Variants in PPFIA2 observed in about 807,000 individuals in gnomAD.
The protein encoded by PPFIA2 is PPFI scaffold protein A2, also known as liprin-alpha-2.
Under a neutral mutation model 175.5 loss-of-function variants are expected in PPFIA2, and 46 were observed. The observed-to-expected ratio is 0.26, with a 90% confidence interval of 0.21 to 0.34. PPFIA2 has a LOEUF of 0.34. Ranked by LOEUF, PPFIA2 falls within the 10% of genes least tolerant of loss-of-function variation. The probability of loss-of-function intolerance (pLI) is 1.00; values close to 1 mark genes in which losing one functional copy is unlikely to be tolerated. For synonymous variants in PPFIA2, 568 were observed against 511.4 expected (o/e 1.11, Z -1.49); for missense variants, 1,179 against 1,506.1 (o/e 0.78, Z 3.60).
intron 19 of PPFIA2, among the ~76,000 whole-genome samples, chr12:81,341,413 TA>T (rs201706145): frequency 3.0e-4 from 45 of 148,358 alleles, no homozygotes; most frequent in South Asian, 1.7e-3. Flanking sequence ...ACATTAAAAT[TA>T]AAAAAAAATC....
At chr12:81,262,966 T>C (rs1449349872) in intron 31 of PPFIA2, among the ~76,000 whole-genome samples, 2 of 152,240 alleles carry the variant, frequency 1.3e-5, no homozygotes, top group Non-Finnish European at 2.9e-5. Context: ...ATCCTGCCGA[T>C]GTTTATTGTT....
At chr12:81,569,007 T>G (rs945869519) in intron 4 of PPFIA2, among the ~76,000 whole-genome samples, 2 of 152,168 alleles carry the variant, frequency 1.3e-5, no homozygotes, top group African/African-American at 4.8e-5. Context: ...ATATATTAGA[T>G]ATTGTTCTAC....
chr12:81,510,316 T>G (rs1173260931), intron 4 of PPFIA2, among the ~76,000 whole-genome samples: 1 of 152,086 alleles, frequency 6.6e-6, no homozygotes, highest in Non-Finnish European at 1.5e-5. Flanking sequence ...CTCCTGTAAT[T>G]TGAACTTTAC....
At chr12:81,283,235 A>C (rs1318651686) in intron 25 of PPFIA2, among the ~76,000 whole-genome samples, 196 bp from the exon 26 acceptor site, 1 of 152,050 alleles carries the variant, frequency 6.6e-6, no homozygotes, top group Non-Finnish European at 1.5e-5. Flanking sequence ...CAACTACATC[A>C]TTTTCAATTA....
rs1276866590 is a variant in PPFIA2 at position 81,747,024 on chromosome 12, G to A, written c.249+6949C>T. Among the ~76,000 whole-genome samples the A allele has an allele frequency of 4.9e-5, 7 of 143,698 alleles. 2 individuals are homozygous for A. In the Admixed American group the frequency reaches 5.2e-4, roughly 11 times the overall value. The allele number at this position is 143,698 out of a possible 152,430, so 94.3% of individuals were successfully genotyped here. On this transcript the variant is annotated intron_variant, in intron 3 of 32. Coordinates refer to ENST00000549396, the MANE Select transcript of PPFIA2 (RefSeq NM_003625.5). Reference sequence around the variant, plus strand: ...CAAAATATTGGTGACATATATGAGTGTACTTTATTTTAGGAAAACAATGAT... The same window carrying A: ...CAAAATATTGGTGACATATATGAGTATACTTTATTTTAGGAAAACAATGAT...
chr12:81,619,826 AT>A (rs1360351195), intron 4 of PPFIA2, among the ~76,000 whole-genome samples: 2 of 152,276 alleles, frequency 1.3e-5, no homozygotes, highest in East Asian at 3.9e-4. Context: ...TATTCACAAT[AT>A]TTCCTTGTGG....
rs1228377271 is a variant in PPFIA2, at chr12:81,268,041, T to C, written c.3357A>G (p.Ala1119=). 1.3e-6 allele frequency: 2 copies of C among 1,597,862 alleles called. No individual in the cohort carries two copies. Among genetic ancestry groups the C allele is most frequent in the African/African-American group, 2.7e-5 (2 of 74,700 alleles). The change falls in exon 29 of 33, where the codon GCA becomes GCG. Residue 1119 remains alanine, a synonymous_variant. Transcript: ENST00000549396. ...SNDRVIRWIQ[A]IGLREYANNI... is the part of the protein sequence containing the mutation. ...TATTTGCATATTCTCGAAGTCCAAT[T>C]GCTTGTATCCAGCGAATAACTCGGT...
chr12:81,334,376 C>A (rs886720753), intron 21 of PPFIA2, among the ~76,000 whole-genome samples: 1 of 151,978 alleles, frequency 6.6e-6, no homozygotes, highest in Admixed American at 6.6e-5. Flanking sequence ...TAGTCATTTT[C>A]CTAAAGTCCA....
intron 22 of PPFIA2, among the ~76,000 whole-genome samples, chr12:81,320,859 T>C (rs1329944254): frequency 6.6e-6 from 1 of 152,076 alleles, no homozygotes; most frequent in Non-Finnish European, 1.5e-5. Context: ...CAGAAGTTTC[T>C]ATAAGACTAA....
At chr12:81,377,033 T>A (rs1474063541) in intron 9 of PPFIA2, among the ~76,000 whole-genome samples, 2 of 151,950 alleles carry the variant, frequency 1.3e-5, no homozygotes, top group African/African-American at 4.8e-5. Flanking sequence ...AAATAGGTAA[T>A]GTCCTAATCT....
At chr12:81,588,137 A>G (rs763510467) in intron 4 of PPFIA2, among the ~76,000 whole-genome samples, 6 of 151,900 alleles carry the variant, frequency 3.9e-5, no homozygotes, top group Non-Finnish European at 7.4e-5. Context: ...AGAACAGGAG[A>G]ATTTATCTTG....
At chr12:81,674,673 A>AT (rs990240676) in intron 4 of PPFIA2, among the ~76,000 whole-genome samples, 114 of 151,826 alleles carry the variant, frequency 7.5e-4, no homozygotes, top group Non-Finnish European at 1.3e-3. Flanking sequence ...TCTCAAAAAA[A>AT]TTTTTTTTTA....
At chr12:81,619,256 A>G (rs2061759780) in intron 4 of PPFIA2, among the ~76,000 whole-genome samples, 1 of 152,236 alleles carries the variant, frequency 6.6e-6, no homozygotes, top group South Asian at 2.1e-4. Flanking sequence ...CCTGAGTCCA[A>G]TGACACTCAA....
chr12:81,266,434 T>G (rs565685279), intron 30 of PPFIA2, among the ~76,000 whole-genome samples: 2 of 152,314 alleles, frequency 1.3e-5, no homozygotes, highest in Admixed American at 1.3e-4. Context: ...ATATTCAATA[T>G]AGCTTTCAAA....
chr12:81,261,940 A>T lies in PPFIA2; in HGVS notation c.*33+9T>A. On this transcript the variant is annotated intron_variant, in intron 32 of 32. Coordinates refer to ENST00000549396, the MANE Select transcript of PPFIA2 (RefSeq NM_003625.5). ...TTTTTTTTTTGTCAGCCAAAGGGAA[A>T]CTACTCACAGCAGGTCAGTGCTGCC... is the stretch of plus-strand genomic sequence containing the variant. 1 of 1,544,564 alleles carries T rather than the reference A, an allele frequency of 6.5e-7. No individual in the cohort carries two copies. The highest frequency in any genetic ancestry group is 8.8e-7 in the Non-Finnish European group (1 of 1,138,650).
chr12:81,336,391 A>G (rs2057143103), intron 21 of PPFIA2, among the ~76,000 whole-genome samples: 1 of 152,152 alleles, frequency 6.6e-6, no homozygotes, highest in South Asian at 2.1e-4. Context: ...GCACATATTG[A>G]GTTTGATTCT....
At chr12:81,525,361 A>G (rs1450505128) in intron 4 of PPFIA2, among the ~76,000 whole-genome samples, 1 of 152,178 alleles carries the variant, frequency 6.6e-6, no homozygotes, top group Non-Finnish European at 1.5e-5. Flanking sequence ...GGGTTAATCA[A>G]AAGGAATATT....
intron 4 of PPFIA2, among the ~76,000 whole-genome samples, chr12:81,628,181 T>A (rs1314976516): frequency 2.0e-5 from 3 of 152,130 alleles, no homozygotes; most frequent in Non-Finnish European, 4.4e-5. Context: ...AAAAAATTCT[T>A]TTTTTGAACT....
intron 4 of PPFIA2, among the ~76,000 whole-genome samples, chr12:81,476,331 G>C (rs1030179142): frequency 6.6e-6 from 1 of 152,162 alleles, no homozygotes; most frequent in Non-Finnish European, 1.5e-5. Flanking sequence ...TTGCCACACA[G>C]TCTAAAGCAG....
Sources: gnomAD v4.1 joint callset for allele counts (sites outside exome capture counted in the v4.1 genomes callset) on GRCh38, gnomAD v4.1.1 for gene constraint, MANE v1.5 for transcripts, NCBI Gene and HGNC (gene_info 2026-07-23, HGNC 2026-07-21) for gene names.